The following PCDH9 variants were observed in gnomAD, a reference collection of about 807,000 sequenced individuals.
The protein encoded by PCDH9 is protocadherin 9, also known as protocadherin-9.
PCDH9 carries 24 observed loss-of-function variants against 70.6 expected under a neutral mutation model. That is an observed-to-expected ratio of 0.34 (90% CI 0.25 to 0.48). PCDH9 has a LOEUF of 0.48. Among genes scored for constraint, PCDH9 ranks in the 20% least tolerant of loss-of-function variants. PCDH9 has a pLI of 0.99. For synonymous variants in PCDH9, 562 were observed against 558.5 expected (o/e 1.01, Z -0.09); for missense variants, 1,281 against 1,503.6 (o/e 0.85, Z 2.45).
chr13:66,403,485 C>T (rs901397146), intron 4 of PCDH9, among the ~76,000 whole-genome samples: 1 of 151,986 alleles, frequency 6.6e-6, no homozygotes, highest in African/African-American at 2.4e-5. Context: ...ATAAATTATG[C>T]ATTTTATAGT....
chr13:66,946,928 C>A (rs1853708291), intron 2 of PCDH9, among the ~76,000 whole-genome samples: 1 of 152,060 alleles, frequency 6.6e-6, no homozygotes, highest in Non-Finnish European at 1.5e-5. Context: ...TGTTATGAAT[C>A]TTTCTTCCTT....
chr13:67,036,254 A>G (rs1325223604), intron 2 of PCDH9, among the ~76,000 whole-genome samples: 1 of 152,176 alleles, frequency 6.6e-6, no homozygotes, highest in East Asian at 1.9e-4. Context: ...AGGTACAGTG[A>G]GGTTGGTTTT....
chr13:66,506,452 A>G (rs1237898650), intron 4 of PCDH9, among the ~76,000 whole-genome samples: 2 of 152,240 alleles, frequency 1.3e-5, no homozygotes, highest in African/African-American at 4.8e-5. Flanking sequence ...ACAGAAAAAC[A>G]TGTCAGAAAT....
chr13:66,924,333 T>C (rs1200824288), intron 2 of PCDH9, among the ~76,000 whole-genome samples: 5 of 151,854 alleles, frequency 3.3e-5, no homozygotes, highest in African/African-American at 4.8e-5. Context: ...TTTTAAAATA[T>C]TCCTATTTTA....
rs112159517 is a variant in PCDH9, at chr13:66,481,942, G to GCACGCA, written c.3340+149267_3340+149268insTGCGTG. Among the ~76,000 whole-genome samples, 663 of 148,706 alleles carry GCACGCA rather than the reference G, an allele frequency of 4.5e-3. 20 individuals are homozygous for GCACGCA. The East Asian group carries it at 0.086, about 19-fold the overall frequency. On this transcript the variant is annotated intron_variant, in intron 4 of 4. Coordinates refer to ENST00000377865, the MANE Select transcript of PCDH9 (RefSeq NM_203487.3). ...ATCATAAGTCCAAATACACATGCAC[G>GCACGCA]CACACACACACACACACACACACAA...
intron 3 of PCDH9, among the ~76,000 whole-genome samples, chr13:66,788,753 A>C (rs2080118866): frequency 6.6e-6 from 1 of 151,108 alleles, no homozygotes; most frequent in Non-Finnish European, 1.5e-5. Flanking sequence ...AAACAAACTT[A>C]ACTTATCCAG....
chr13:66,622,788 C>A (rs558621410), intron 4 of PCDH9, among the ~76,000 whole-genome samples: 2 of 152,268 alleles, frequency 1.3e-5, no homozygotes, highest in South Asian at 2.1e-4. Context: ...AGTGGCAATC[C>A]GCGCTGGTGG....
At chr13:67,104,983 T>C (rs1277436070) in intron 2 of PCDH9, among the ~76,000 whole-genome samples, 1 of 152,202 alleles carries the variant, frequency 6.6e-6, no homozygotes. Context: ...ATATTTCCTT[T>C]ACAGGATCAT....
chr13:66,561,527 A>G (rs544828825), intron 4 of PCDH9, among the ~76,000 whole-genome samples: 1 of 152,316 alleles, frequency 6.6e-6, no homozygotes. Flanking sequence ...TGTCTAGCTA[A>G]GAGATTGTAA....
At chr13:66,531,379 T>C (rs1422446050) in intron 4 of PCDH9, among the ~76,000 whole-genome samples, 2 of 152,112 alleles carry the variant, frequency 1.3e-5, no homozygotes, top group Non-Finnish European at 2.9e-5. Context: ...TACTTATTAA[T>C]AGTTATATAT....
rs987137827 is a variant in PCDH9 at position 66,303,496 on chromosome 13, G to T, written c.*1159C>A. 2.0e-5 allele frequency: 3 copies of T among 152,434 alleles called. No individual in the cohort carries two copies. In the East Asian group the frequency reaches 5.8e-4, roughly 29 times the overall value. The allele number at this position is 152,434 out of a possible 1,614,324, so 9.4% of individuals were successfully genotyped here. A position where few individuals can be genotyped will look rare whatever the true frequency, so the allele number is the denominator to read the frequency against. Reference sequence around the variant, plus strand: ...ACACATTAAATATTTTGTGGCTATGGTCTAATAACACTTGTGTTACAACAA... The same window carrying T: ...ACACATTAAATATTTTGTGGCTATGTTCTAATAACACTTGTGTTACAACAA... On this transcript the variant is annotated 3_prime_UTR_variant, in exon 5 of 5. Transcript: ENST00000377865.
At chr13:67,216,481 A>T (rs1440582704) in intron 2 of PCDH9, 1 of 151,728 alleles carries the variant, frequency 6.6e-6, no homozygotes, top group Non-Finnish European at 1.5e-5. Context: ...AATGCATTGA[A>T]ATATTATTAC....
intron 2 of PCDH9, among the ~76,000 whole-genome samples, chr13:67,027,927 T>C (rs1286619283): frequency 6.6e-6 from 1 of 151,314 alleles, no homozygotes; most frequent in East Asian, 2.0e-4. Flanking sequence ...CAACAGTTGC[T>C]GGAGAGGATG....
At chr13:67,059,777 T>G (rs1189824891) in intron 2 of PCDH9, among the ~76,000 whole-genome samples, 1 of 152,064 alleles carries the variant, frequency 6.6e-6, no homozygotes, top group African/African-American at 2.4e-5. Context: ...TTACAGAAAT[T>G]AACTTTGAAG....
chr13:66,525,150 C>T (rs1960157233), intron 4 of PCDH9, among the ~76,000 whole-genome samples: 2 of 152,060 alleles, frequency 1.3e-5, no homozygotes, highest in Admixed American at 1.3e-4. Flanking sequence ...GCTCTCATTT[C>T]CCTTCTCTAC....
chr13:66,927,290 G>GC (rs2082732398), intron 2 of PCDH9, among the ~76,000 whole-genome samples: 1 of 151,948 alleles, frequency 6.6e-6, no homozygotes, highest in Non-Finnish European at 1.5e-5. Context: ...GCAAACTAAC[G>GC]CAGGAAGAGA....
At chr13:67,028,159 G>C (rs1304850681) in intron 2 of PCDH9, among the ~76,000 whole-genome samples, 1 of 148,220 alleles carries the variant, frequency 6.7e-6, no homozygotes, top group African/African-American at 2.5e-5. Context: ...GCAAAGACTT[G>C]GAAACAACCC....
intron 4 of PCDH9, among the ~76,000 whole-genome samples, chr13:66,591,756 A>T (rs552188351): frequency 6.6e-6 from 1 of 151,880 alleles, no homozygotes; most frequent in Non-Finnish European, 1.5e-5. Context: ...CTGAAATAGT[A>T]TAAAATTCTA....
chr13:66,813,451 A>T (rs2080545454), intron 3 of PCDH9, among the ~76,000 whole-genome samples: 1 of 150,616 alleles, frequency 6.6e-6, no homozygotes, highest in African/African-American at 2.4e-5. Context: ...GGAAGAGAGA[A>T]AGGGTGGGAG....
Sources: gnomAD v4.1 joint callset for allele counts (sites outside exome capture counted in the v4.1 genomes callset) on GRCh38, gnomAD v4.1.1 for gene constraint, MANE v1.5 for transcripts, NCBI Gene and HGNC (gene_info 2026-07-23, HGNC 2026-07-21) for gene names.